Variants in PM20D2 observed in about 807,000 individuals in gnomAD.
The protein encoded by PM20D2 is peptidase M20 domain containing 2.
A neutral mutation model predicts 42.9 loss-of-function variants in PM20D2; 33 were observed. That is an observed-to-expected ratio of 0.77 (90% confidence interval 0.58 to 1.03). PM20D2 has a LOEUF of 1.03. Among genes scored for constraint, PM20D2 ranks in the 50% least tolerant of loss-of-function variants. PM20D2 has a pLI of 0.00. For missense variants in PM20D2, 548 were observed against 557.0 expected (o/e 0.98, Z 0.16); for synonymous variants, 250 against 228.2 (o/e 1.10, Z -0.86).
chr6:89,123,283 T>C, the PM20D2 span, among the ~76,000 whole-genome samples: 1 of 152,224 alleles, frequency 6.6e-6, no homozygotes, highest in East Asian at 1.9e-4. Flanking sequence ...GTCCATTGTT[T>C]CCCAAACTTA....
the PM20D2 span, chr6:89,117,717 T>A: frequency 8.6e-7 from 1 of 1,162,906 alleles, no homozygotes; most frequent in East Asian, 3.3e-5. Flanking sequence ...GCGGGGAGGC[T>A]CCGCGCAGCT....
At chr6:89,142,512 C>T (rs907020996), upstream of PM20D2, among the ~76,000 whole-genome samples, 9 of 152,098 alleles carry the variant, frequency 5.9e-5, no homozygotes, top group African/African-American at 1.7e-4. Flanking sequence ...TAAACTGAAA[C>T]GATGTAGGCT....
At chr6:89,158,551 C>G in intron 5 of PM20D2, 91 bp downstream of exon 5, 3 of 1,423,294 alleles carry the variant, frequency 2.1e-6, no homozygotes, top group Non-Finnish European at 1.9e-6. Context: ...TTTGGGAGGT[C>G]GGGAGGTACT....
chr6:89,116,730 G>A, the PM20D2 span, among the ~76,000 whole-genome samples: 1 of 151,354 alleles, frequency 6.6e-6, no homozygotes, highest in Non-Finnish European at 1.5e-5. Flanking sequence ...AACCAAGATC[G>A]GGCCATTGTA....
the PM20D2 span, chr6:89,096,024 CTA>C: frequency 6.6e-6 from 1 of 152,188 alleles, no homozygotes; most frequent in African/African-American, 2.4e-5. Flanking sequence ...AGAAACAATT[CTA>C]TGACAAAAGT....
At chr6:89,126,378 T>C in the PM20D2 span, among the ~76,000 whole-genome samples, 1,844 of 121,250 alleles carry the variant, frequency 0.015, 27 homozygotes, top group Non-Finnish European at 0.018. Flanking sequence ...CTGAGGGACA[T>C]AGAAAGACCT....
chr6:89,149,942 C>T (rs912583739), intron 2 of PM20D2, among the ~76,000 whole-genome samples: 14 of 152,132 alleles, frequency 9.2e-5, no homozygotes, highest in Admixed American at 9.2e-4. Context: ...TTTTATTTGT[C>T]TTTCTTTATG....
At chr6:89,146,042 C>A, upstream of PM20D2, 1 of 1,067,074 alleles carries the variant, frequency 9.4e-7, no homozygotes, top group Non-Finnish European at 1.2e-6. Flanking sequence ...CGCGTGCGCG[C>A]TCCGCCGGGG....
At chr6:89,160,537 T>A (rs1439536595) in intron 5 of PM20D2, among the ~76,000 whole-genome samples, 1 of 152,342 alleles carries the variant, frequency 6.6e-6, no homozygotes, top group African/African-American at 2.4e-5. Flanking sequence ...TCAGTAAATA[T>A]CCATTGAGTG....
chr6:89,107,757 G>A, the PM20D2 span, among the ~76,000 whole-genome samples: 19 of 151,782 alleles, frequency 1.3e-4, no homozygotes, highest in African/African-American at 2.4e-4. Flanking sequence ...AAGAAAACAC[G>A]AAAAAAACCT....
the PM20D2 span, chr6:89,118,193 C>G: frequency 2.6e-5 from 4 of 151,976 alleles, no homozygotes; most frequent in Non-Finnish European, 4.4e-5. Flanking sequence ...TCCTGGAGTG[C>G]GACGGGATTT....
At chr6:89,107,559 G>A in the PM20D2 span, among the ~76,000 whole-genome samples, 10 of 151,998 alleles carry the variant, frequency 6.6e-5, no homozygotes, top group Admixed American at 3.9e-4. Flanking sequence ...GTGAAACCCC[G>A]TCTCTACAAA....
the PM20D2 span, chr6:89,097,908 C>T: frequency 5.3e-5 from 8 of 152,228 alleles, no homozygotes; most frequent in South Asian, 1.0e-3. Flanking sequence ...CATTCAAAAT[C>T]CAGTATTTCT....
the PM20D2 span, chr6:89,105,299 AC>A: frequency 6.3e-7 from 1 of 1,583,336 alleles, no homozygotes; most frequent in Non-Finnish European, 8.6e-7. Context: ...ATAATTCGTT[AC>A]CTGAACACCA....
At chr6:89,117,119 T>TA in the PM20D2 span, among the ~76,000 whole-genome samples, 1 of 152,010 alleles carries the variant, frequency 6.6e-6, no homozygotes, top group Non-Finnish European at 1.5e-5. Flanking sequence ...GTTCAGACAC[T>TA]CTGTAGACAA....
chr6:89,105,130 G>A, the PM20D2 span: 1 of 1,612,064 alleles, frequency 6.2e-7, no homozygotes, highest in Non-Finnish European at 8.5e-7. Context: ...CTTTAAGGCT[G>A]TCTGACCGCC....
the PM20D2 span, chr6:89,106,978 G>T: frequency 4.5e-6 from 3 of 668,736 alleles, no homozygotes; most frequent in South Asian, 4.5e-5. Flanking sequence ...CTAACAGGTT[G>T]GTTCAAACTG....
At chr6:89,155,698 G>A (rs1771023079) in intron 4 of PM20D2, among the ~76,000 whole-genome samples, 1 of 151,448 alleles carries the variant, frequency 6.6e-6, no homozygotes, top group Non-Finnish European at 1.5e-5. Context: ...AGGTTTTATT[G>A]ATTTGTTTCT....
chr6:89,117,943 TC>T, the PM20D2 span: 10 of 1,510,468 alleles, frequency 6.6e-6, no homozygotes, highest in East Asian at 2.9e-4. Context: ...TCGCTCCGTC[TC>T]CCGCTACCGC....
Sources: gnomAD v4.1 joint callset for allele counts (sites outside exome capture counted in the v4.1 genomes callset) on GRCh38, gnomAD v4.1.1 for gene constraint, MANE v1.5 for transcripts, NCBI Gene and HGNC (gene_info 2026-07-23, HGNC 2026-07-21) for gene names.